Variants in ACE observed in about 807,000 individuals in gnomAD.
The protein encoded by ACE is angiotensin I converting enzyme, also known as angiotensin-converting enzyme.
ACE carries 122 observed loss-of-function variants against 162.3 expected under a neutral mutation model. The observed-to-expected ratio is 0.75, with a 90% CI of 0.65 to 0.87. ACE has a LOEUF of 0.87. Ranked by LOEUF, ACE falls within the 40% of genes least tolerant of loss-of-function variation. ACE has a pLI of 0.00. For synonymous variants in ACE, 796 were observed against 720.6 expected (o/e 1.10, Z -1.68); for missense variants, 1,799 against 1,735.1 (o/e 1.04, Z -0.65).
In ACE at chr17:63,484,719, C is replaced by T; in HGVS notation, c.1921+178C>T. ...TGCGAGTGGGGACAGGCATGTCTTT[C>T]CCCCAGCATCCTAGAGAGGGTGTGC... is the stretch of plus-strand genomic sequence containing the variant. On this transcript the variant is annotated intron_variant, in intron 12 of 24. Transcript: ENST00000290866. This position sits in a 1 kb window ranked among gnomAD's most constrained non-coding sequence, Gnocchi z 4.0. 1 of 1,451,878 alleles carries T rather than the reference C, an allele frequency of 6.9e-7. No homozygotes were observed. The highest frequency in any genetic ancestry group is 1.4e-5 in the South Asian group (1 of 69,156). 89.9% of individuals were successfully genotyped at this position (1,451,878 alleles called of 1,614,324 possible). A position where few individuals can be genotyped will look rare whatever the true frequency, so the allele number is the denominator to read the frequency against.
intron 21 of ACE, 125 bp downstream of exon 21, chr17:63,494,191 TATG>T (rs1381179781): frequency 9.4e-6 from 13 of 1,387,072 alleles, no homozygotes; most frequent in East Asian, 2.4e-5. Context: ...TGTCTGTGCA[TATG>T]ATGTGTGTGG....
chr17:63,497,163 A>G lies in ACE; in HGVS notation c.3718A>G (p.Ser1240Gly). ...TCGCTCAGAAGGGCCCCTCCCAGACAGCGGCCGCGTCAGCTTCCTGGGCCT... is the reference window on the plus strand; with the variant it reads ...TCGCTCAGAAGGGCCCCTCCCAGACGGCGGCCGCGTCAGCTTCCTGGGCCT... ...SARSEGPLPD[S>G]GRVSFLGLDL... Residue 1240 changes from serine (S) to glycine (G), a missense_variant, in exon 25 of 25, where the codon AGC (serine) becomes GGC (glycine). Physicochemically the swap from Ser to Gly is moderately conservative, Grantham distance 56. Coordinates refer to ENST00000290866, the MANE Select transcript of ACE (RefSeq NM_000789.4). 1.9e-6 allele frequency: 3 copies of G among 1,603,948 alleles called. No individual in the cohort carries two copies. Among genetic ancestry groups the G allele is most frequent in the Middle Eastern group, 1.8e-4 (1 of 5,502 alleles).
chr17:63,485,573 C>T, intron 13 of ACE: 1 of 660,118 alleles, frequency 1.5e-6, no homozygotes, highest in Admixed American at 2.2e-5. Context: ...GAGGTCAGAT[C>T]AAGACCATCC....
Position 63,494,408 on chromosome 17 carries a change from G to C in ACE, c.3318G>C (p.Arg1106Ser), listed in dbSNP as rs2030598589. 6.2e-7 allele frequency: 1 copy of C among 1,614,164 alleles called. No individual in the cohort carries two copies. The highest frequency in any genetic ancestry group is 1.3e-5 in the African/African-American group (1 of 75,044). ...AGGGCCTCTGCCCCCCAGTGCCCAG[G>C]ACTCAAGGTGACTTTGACCCAGGGG... Reference protein sequence around the residue: ...KYQGLCPPVPRTQGDFDPGAK... With the variant: ...KYQGLCPPVPSTQGDFDPGAK... Residue 1106 changes from arginine (R) to serine (S), a missense_variant, in exon 22 of 25, where the codon AGG (arginine) becomes AGC (serine). Coordinates refer to ENST00000290866, the MANE Select transcript of ACE (RefSeq NM_000789.4).
rs1041212652 is a variant in ACE, at chr17:63,494,538, C to T, written c.3380+68C>T. ...CACAGCTTTGTGTTTCAACTGCGGCCACTGCCCGGTCCACAAGCTCTGTCA... is the reference window on the plus strand; with the variant it reads ...CACAGCTTTGTGTTTCAACTGCGGCTACTGCCCGGTCCACAAGCTCTGTCA... On this transcript the variant is annotated intron_variant, in intron 22 of 24. Coordinates refer to ENST00000290866, the MANE Select transcript of ACE (RefSeq NM_000789.4). 4.3e-6 allele frequency: 6 copies of T among 1,396,572 alleles called. No individual in the cohort carries two copies. The African/African-American group carries it at 7.1e-5, about 17-fold the overall frequency. The allele number at this position is 1,396,572 out of a possible 1,614,324, so 86.5% of individuals were successfully genotyped here.
Position 63,488,500 on chromosome 17 carries a change from C to T in ACE, c.2306-148C>T, listed in dbSNP as rs2030125623. The T allele has an allele frequency of 5.7e-6, 2 of 351,052 alleles. 1 individual carries two copies. Among genetic ancestry groups the T allele is most frequent in the Non-Finnish European group, 8.6e-6 (2 of 231,496 alleles). The allele number at this position is 351,052 out of a possible 1,614,324, so 21.7% of individuals were successfully genotyped here. A position where few individuals can be genotyped will look rare whatever the true frequency, so the allele number is the denominator to read the frequency against. ...CCACTGCTGGAGAGCCACTCCCATC[C>T]TTTCTCCCATTTCTCTAGACCTGCT... On this transcript the variant is annotated intron_variant, in intron 15 of 24. Coordinates refer to ENST00000290866, the MANE Select transcript of ACE (RefSeq NM_000789.4).
chr17:63,496,930 C>T lies in ACE; in HGVS notation c.3636C>T (p.Asn1212=), dbSNP rs1271336698. 4.3e-6 allele frequency: 7 copies of T among 1,613,252 alleles called. No homozygotes were observed. Among genetic ancestry groups the T allele is most frequent in the Non-Finnish European group, 4.2e-6 (5 of 1,179,980 alleles). The change falls in exon 24 of 25, where the codon AAC becomes AAT. Residue 1212 remains asparagine (N), a synonymous_variant. Transcript: ENST00000290866. ...TGCTGGACTGGCTCCGCACGGAGAACGAGCTGCATGGGGAGAAGCTGGGCT... is the reference window on the plus strand; with the variant it reads ...TGCTGGACTGGCTCCGCACGGAGAATGAGCTGCATGGGGAGAAGCTGGGCT... ...KPLLDWLRTE[N]ELHGEKLGWP...
At chr17:63,482,327 A>T in intron 7 of ACE, 139 bp from the exon 8 acceptor site, 1 of 727,396 alleles carries the variant, frequency 1.4e-6, no homozygotes, top group Non-Finnish European at 2.4e-6. Flanking sequence ...AAAAGAAGTT[A>T]CTTGTTTCTA....
chr17:63,482,202 G>A (rs979046251), intron 7 of ACE, among the ~76,000 whole-genome samples: 1 of 152,120 alleles, frequency 6.6e-6, no homozygotes, highest in African/African-American at 2.4e-5. Flanking sequence ...TCAGGAGGCT[G>A]AGGCAGGAGA....
rs139263584 is a variant in ACE at position 63,486,671 on chromosome 17, C to T, written c.2173C>T (p.Gln725Ter). 6.2e-7 allele frequency: 1 copy of T among 1,614,258 alleles called. No homozygotes were observed. The highest frequency in any genetic ancestry group is 8.5e-7 in the Non-Finnish European group (1 of 1,180,048). Residue 725 changes from glutamine to a stop codon, truncating the protein, a stop_gained, in exon 14 of 25, where the codon CAG becomes TAG. Coordinates refer to ENST00000290866, the MANE Select transcript of ACE (RefSeq NM_000789.4). LOFTEE classifies it high-confidence loss of function. ...TATCAAGCGGATCATAAAGAAGGTT[C>T]AGGACCTAGAACGGGCAGCACTGCC... ...TTIKRIIKKV[Q>*]DLERAALPAQ...
At chr17:63,478,530 G>A (rs779196050) in intron 2 of ACE, 4 of 313,038 alleles carry the variant, frequency 1.3e-5, no homozygotes, top group Non-Finnish European at 2.5e-5. Flanking sequence ...GCTTGGTGGT[G>A]CGTGCACCTA....
intron 2 of ACE, 173 bp from the exon 3 acceptor site, chr17:63,478,834 C>G: frequency 1.5e-6 from 1 of 666,582 alleles, no homozygotes; most frequent in Non-Finnish European, 2.7e-6. Context: ...GCAGGGGACT[C>G]AGAAGTGATC....
Position 63,477,357 on chromosome 17 carries a change from C to T in ACE, c.249+14C>T, listed in dbSNP as rs1449910598. On this transcript the variant is annotated intron_variant, in intron 1 of 24. Coordinates refer to ENST00000290866, the MANE Select transcript of ACE (RefSeq NM_000789.4). ...GCAAGGCGCCAGGTGGGCGCCCGGG[C>T]CCGGGCGGGGGCGGGGCGGGGCCGC... 2 of 1,246,714 alleles carry T rather than the reference C, an allele frequency of 1.6e-6. No homozygotes were observed. Among genetic ancestry groups the T allele is most frequent in the Non-Finnish European group, 1.0e-6 (1 of 986,198 alleles). The allele number at this position is 1,246,714 out of a possible 1,614,324, so 77.2% of individuals were successfully genotyped here.
rs147763588 is a variant in ACE at position 63,493,990 on chromosome 17, G to A, written c.3205G>A (p.Val1069Ile). The change falls in exon 21 of 25, where the codon GTC becomes ATC. Residue 1069 changes from valine to isoleucine, a missense_variant. Transcript: ENST00000290866. ...CGCCTTTATCCCCTTCAGCTACCTCGTCGATCAGTGGCGCTGGAGGGTATT... is the reference window on the plus strand; with the variant it reads ...CGCCTTTATCCCCTTCAGCTACCTCATCGATCAGTGGCGCTGGAGGGTATT... ...KIAFIPFSYL[V>I]DQWRWRVFDG... The A allele has an allele frequency of 8.7e-6, 14 of 1,613,930 alleles. No individual in the cohort carries two copies. Among genetic ancestry groups the A allele is most frequent in the East Asian group, 4.5e-5 (2 of 44,890 alleles).
Position 63,481,686 on chromosome 17 carries a change from G to A in ACE, c.1066G>A (p.Glu356Lys), listed in dbSNP as rs553718986. 2.5e-6 allele frequency: 4 copies of A among 1,614,182 alleles called. No individual in the cohort carries two copies. The highest frequency in any genetic ancestry group is 1.7e-5 in the Admixed American group (1 of 60,026). ...SMLEKPADGR[E>K]VVCHASAWDF... ...GCTGGAGAAGCCGGCCGACGGGCGG[G>A]AAGTGGTGTGCCACGCCTCGGCTTG... The change falls in exon 7 of 25, where the codon GAA becomes AAA. Residue 356 changes from glutamate (E) to lysine (K), a missense_variant. Transcript: ENST00000290866.
chr17:63,497,254 T>C lies in ACE; in HGVS notation c.3809T>C (p.Leu1270Pro), dbSNP rs1179455074. The change falls in exon 25 of 25, where the codon CTG becomes CCG. Residue 1270 changes from leucine to proline, a missense_variant. Coordinates refer to ENST00000290866, the MANE Select transcript of ACE (RefSeq NM_000789.4). ...CTGCTCTTCCTGGGCATCGCCCTGC[T>C]GGTAGCCACCCTGGGCCTCAGCCAG... ...WLLLFLGIAL[L>P]VATLGLSQRL... 2 of 1,574,256 alleles carry C rather than the reference T, an allele frequency of 1.3e-6. No individual in the cohort carries two copies. Among genetic ancestry groups the C allele is most frequent in the African/African-American group, 1.3e-5 (1 of 74,366 alleles).
At position 63,491,120 on chromosome 17, in the gene ACE, T is replaced by C; in HGVS notation, c.2739+69T>C. 1 of 1,610,906 alleles carries C rather than the reference T, an allele frequency of 6.2e-7. No homozygotes were observed. Among genetic ancestry groups the C allele is most frequent in the South Asian group, 1.1e-5 (1 of 91,018 alleles). ...GGGACCCTCTGATTCAGGAGTTCCCTCCAGTTTAGCCCTCCCCCGGGATCC... is the reference window on the plus strand; with the variant it reads ...GGGACCCTCTGATTCAGGAGTTCCCCCCAGTTTAGCCCTCCCCCGGGATCC... On this transcript the variant is annotated intron_variant, in intron 18 of 24. Coordinates refer to ENST00000290866, the MANE Select transcript of ACE (RefSeq NM_000789.4). The surrounding 1 kb of genome is among the most constrained non-coding windows in gnomAD (Gnocchi z 4.4).
chr17:63,478,934 C>G, intron 2 of ACE, 73 bp from the exon 3 acceptor site: 1 of 1,331,630 alleles, frequency 7.5e-7, no homozygotes, highest in Admixed American at 1.9e-5. Context: ...TGGGCTCCTC[C>G]TTCTAGCAGC....
intron 7 of ACE, among the ~76,000 whole-genome samples, chr17:63,482,187 G>A (rs1475324368): frequency 6.6e-6 from 1 of 152,100 alleles, no homozygotes; most frequent in Non-Finnish European, 1.5e-5. Flanking sequence ...TGTAATCCCA[G>A]CTACTCAGGA....
Sources: gnomAD v4.1 joint callset for allele counts (sites outside exome capture counted in the v4.1 genomes callset) on GRCh38, gnomAD v4.1.1 for gene constraint, Gnocchi (gnomAD v3.1) non-coding constraint, MANE v1.5 for transcripts, NCBI Gene and HGNC (gene_info 2026-07-23, HGNC 2026-07-21) for gene names.